The following ARL10 variants were observed in gnomAD, a reference collection of about 807,000 sequenced individuals.
ARL10 encodes the protein ADP-ribosylation factor-like protein 10.
Under a neutral mutation model 26.1 loss-of-function variants are expected in ARL10, and 23 were observed. The ratio of observed to expected loss-of-function variants is 0.88; its 90% CI spans 0.63 to 1.25. The LOEUF (loss-of-function observed/expected upper bound fraction) is 1.25. Ranked by LOEUF, ARL10 falls within the 50% of genes most tolerant of loss-of-function variation. The pLI, the probability that ARL10 is intolerant of heterozygous loss-of-function variation, is 0.00. For synonymous variants in ARL10, 138 were observed against 149.1 expected, an observed-to-expected ratio of 0.93 and a Z score of 0.54; for missense variants, 300 against 323.6, an observed-to-expected ratio of 0.93 and a Z score of 0.56.
chr5:176,388,088 C>T, intron 1 of ARL10: 1 of 622,470 alleles, frequency 1.6e-6, no homozygotes, highest in Admixed American at 2.9e-5. Context: ...CCTTGCTCAA[C>T]GTCAGTTGAG....
In ARL10 at chr5:176,372,208, A is replaced by G. The variant is rs1050488694; in HGVS notation, c.*313A>G. The stretch of plus-strand genomic sequence containing the variant: ...TACAGTGAGATGCTCAGTGGGCTCA[A>G]TCCTCCACTACAGGTCCCGGTACCT... On this transcript the variant is annotated 3_prime_UTR_variant, in exon 4 of 4. Coordinates refer to ENST00000310389, the MANE Select transcript of ARL10 (RefSeq NM_173664.6). The G allele has an allele frequency of 3.2e-6, 2 of 621,604 alleles. No homozygotes were observed. Among genetic ancestry groups the G allele is most frequent in the African/African-American group, 3.8e-5 (2 of 52,704 alleles). The allele number at this position is 621,604 out of a possible 1,614,324, so 38.5% of individuals were successfully genotyped here.
downstream of ARL10, chr5:176,385,098 A>C: frequency 1.4e-6 from 1 of 726,284 alleles, no homozygotes; most frequent in East Asian, 2.5e-5. Context: ...TCCATTTCCT[A>C]GAGTCTCTTT....
chr5:176,384,933 C>T, downstream of ARL10: 1 of 561,972 alleles, frequency 1.8e-6, no homozygotes, highest in Admixed American at 3.1e-5. Flanking sequence ...AGACTTCCAT[C>T]CTGGGTGACT....
chr5:176,406,616 G>A (rs1351351596), downstream of ARL10: 2 of 1,289,400 alleles, frequency 1.6e-6, no homozygotes, highest in South Asian at 1.2e-5. Context: ...GCCCCTGGCT[G>A]TGCCAAATGG....
At chr5:176,396,496 A>T in intron 1 of ARL10, 1 of 1,613,960 alleles carries the variant, frequency 6.2e-7, no homozygotes, top group Non-Finnish European at 8.5e-7. Context: ...CGATGATATC[A>T]GCATCTGGCT....
At chr5:176,389,243 T>C (rs1427776173), downstream of ARL10, 3 of 1,453,268 alleles carry the variant, frequency 2.1e-6, no homozygotes, top group East Asian at 6.8e-5. Flanking sequence ...GATCCAGAGA[T>C]CTTGGCTTTG....
chr5:176,365,573 CG>C lies in ARL10; in HGVS notation c.12del (p.Pro5ArgfsTer123). On this transcript the variant is annotated frameshift_variant, in exon 1 of 4. Coordinates refer to ENST00000310389, the MANE Select transcript of ARL10 (RefSeq NM_173664.6). LOFTEE classifies it high-confidence loss of function. ...TCCCTCGCCCGGCCCGATGGCGCCGCGGCCGCTGGGCCCCTTGGTGCTGGCG... is the reference window on the plus strand; with the variant it reads ...TCCCTCGCCCGGCCCGATGGCGCCGCGCCGCTGGGCCCCTTGGTGCTGGCG... MAP[R>X]PLGPLVLALG... The C allele has an allele frequency of 1.6e-6, 2 of 1,234,634 alleles. No individual in the cohort carries two copies. Among genetic ancestry groups the C allele is most frequent in the Non-Finnish European group, 2.0e-6 (2 of 989,068 alleles). The allele number at this position is 1,234,634 out of a possible 1,614,324, so 76.5% of individuals were successfully genotyped here.
chr5:176,371,978 A>G lies in ARL10; in HGVS notation c.*83A>G. The G allele has an allele frequency of 2.0e-6, 3 of 1,525,722 alleles. No homozygotes were observed. Among genetic ancestry groups the G allele is most frequent in the Non-Finnish European group, 2.6e-6 (3 of 1,134,686 alleles). The allele number at this position is 1,525,722 out of a possible 1,614,324, so 94.5% of individuals were successfully genotyped here. On this transcript the variant is annotated 3_prime_UTR_variant, in exon 4 of 4. Transcript: ENST00000310389. The stretch of plus-strand genomic sequence containing the variant: ...TTCATTGCCAGACTGGGCCTGGGGC[A>G]AGAGCCACATGGCAGCATTTCCCTT...
chr5:176,397,693 C>T (rs1361704138), intron 1 of ARL10: 20 of 1,613,954 alleles, frequency 1.2e-5, no homozygotes, highest in Non-Finnish European at 1.7e-5. Context: ...CCCGCCATTC[C>T]TGTTCCGTGA....
rs1344997902 is a variant in ARL10 at position 176,378,660 on chromosome 5, G to C, written c.*6765G>C. On this transcript the variant is annotated 3_prime_UTR_variant, in exon 4 of 4. Coordinates refer to ENST00000310389, the MANE Select transcript of ARL10 (RefSeq NM_173664.6). Reference sequence around the variant, plus strand: ...TTTGAGCTGACTGAAACTGGGAAGAGTCCGCTTTTTATTAACTCATTTTGG... The same window carrying C: ...TTTGAGCTGACTGAAACTGGGAAGACTCCGCTTTTTATTAACTCATTTTGG... The C allele has an allele frequency of 6.6e-6, 1 of 152,216 alleles. No homozygotes were observed. Among genetic ancestry groups the C allele is most frequent in the Non-Finnish European group, 1.5e-5 (1 of 68,036 alleles). The allele number at this position is 152,216 out of a possible 1,614,324, so 9.4% of individuals were successfully genotyped here. A position where few individuals can be genotyped will look rare whatever the true frequency, so the allele number is the denominator to read the frequency against.
chr5:176,409,105 T>A, the ARL10 span, among the ~76,000 whole-genome samples: 2 of 152,010 alleles, frequency 1.3e-5, no homozygotes, highest in Non-Finnish European at 2.9e-5. Flanking sequence ...GCCTCCCAAG[T>A]AGTTAGGATT....
At chr5:176,414,962 A>C in the ARL10 span, among the ~76,000 whole-genome samples, 1 of 152,206 alleles carries the variant, frequency 6.6e-6, no homozygotes, top group African/African-American at 2.4e-5. Context: ...AACATCATTA[A>C]CCAAAATATG....
chr5:176,388,112 G>A, intron 1 of ARL10: 1 of 689,338 alleles, frequency 1.5e-6, no homozygotes, highest in East Asian at 2.7e-5. Flanking sequence ...TCTGACTGTG[G>A]GGAGGTCGAA....
At position 176,365,599 on chromosome 5, in the gene ARL10, G is replaced by A. The variant is rs752562019; in HGVS notation, c.36G>A (p.Ala12=). The change falls in exon 1 of 4, where the codon GCG becomes GCA. Residue 12 remains alanine (A), a synonymous_variant. Transcript: ENST00000310389. ...APRPLGPLVL[A]LGGAAAVLGS... is the part of the protein sequence containing the mutation. The stretch of plus-strand genomic sequence containing the variant: ...GGCCGCTGGGCCCCTTGGTGCTGGC[G>A]CTGGGCGGCGCCGCGGCGGTGCTGG... The A allele has an allele frequency of 8.0e-7, 1 of 1,252,280 alleles. No homozygotes were observed. The highest frequency in any genetic ancestry group is 1.0e-6 in the Non-Finnish European group (1 of 999,932). 77.6% of individuals were successfully genotyped at this position (1,252,280 alleles called of 1,614,324 possible). A position where few individuals can be genotyped will look rare whatever the true frequency, so the allele number is the denominator to read the frequency against.
chr5:176,372,921 A>G lies in ARL10; in HGVS notation c.*1026A>G, dbSNP rs1561774837. 1 of 398,580 alleles carries G rather than the reference A, an allele frequency of 2.5e-6. No homozygotes were observed. Among genetic ancestry groups the G allele is most frequent in the Non-Finnish European group, 4.4e-6 (1 of 226,090 alleles). The allele number at this position is 398,580 out of a possible 1,614,324, so 24.7% of individuals were successfully genotyped here. On this transcript the variant is annotated 3_prime_UTR_variant, in exon 4 of 4. Transcript: ENST00000310389. ...AGGAAAATAGCTGGAATCATGAATG[A>G]CAATGAGATAACATACAGATGTCAG...
Position 176,368,146 on chromosome 5 carries a change from G to A in ARL10, c.386-661G>A, listed in dbSNP as rs1768390674. 7.3e-6 allele frequency: 3 copies of A among 410,772 alleles called. No individual in the cohort carries two copies. Among genetic ancestry groups the A allele is most frequent in the Admixed American group, 2.9e-5 (1 of 34,606 alleles). The allele number at this position is 410,772 out of a possible 1,614,324, so 25.4% of individuals were successfully genotyped here. On this transcript the variant is annotated intron_variant, in intron 2 of 3. Transcript: ENST00000310389. The surrounding 1 kb of genome is among the most constrained non-coding windows in gnomAD (Gnocchi z 4.1). ...GTGACCAATGGGACTGTGCAGAGGA[G>A]CAGAGAGGAAAAGAAAGGTGATCCA... is the stretch of plus-strand genomic sequence containing the variant.
downstream of ARL10, chr5:176,384,815 A>C: frequency 2.4e-6 from 1 of 409,114 alleles, no homozygotes; most frequent in Non-Finnish European, 4.3e-6. Flanking sequence ...GCCAGGGAGG[A>C]GCTGGGGCCA....
In ARL10 at chr5:176,396,443, T is replaced by G. The variant is rs564656616; in HGVS notation, c.134-5298T>G. Reference sequence around the variant, plus strand: ...GAAACTGTGGTGGCCATTCCCTCTCTAGCTCCCCCAACAGAGAAGCAAAAC... The same window carrying G: ...GAAACTGTGGTGGCCATTCCCTCTCGAGCTCCCCCAACAGAGAAGCAAAAC... On this transcript the variant is annotated intron_variant, in intron 1 of 1. Transcript: ENST00000514533. 1.7e-4 allele frequency: 263 copies of G among 1,580,558 alleles called. 3 individuals are homozygous for G. In the South Asian group the frequency reaches 2.6e-3, roughly 16 times the overall value.
chr5:176,392,814 G>A (rs750071352), downstream of ARL10: 13 of 1,614,122 alleles, frequency 8.1e-6, no homozygotes, highest in East Asian at 6.7e-5. This position sits in a 1 kb window ranked among gnomAD's most constrained non-coding sequence, Gnocchi z 5.2. Flanking sequence ...CATGAGCACC[G>A]AGCGCAGGCG....
Sources: allele counts gnomAD v4.1 joint callset (sites outside exome capture counted in the v4.1 genomes callset), GRCh38; gene constraint gnomAD v4.1.1; non-coding constraint Gnocchi (gnomAD v3.1); transcripts MANE v1.5; gene names NCBI Gene and HGNC (gene_info 2026-07-23, HGNC 2026-07-21).